The following NUP85 variants were observed in gnomAD, a reference collection of about 807,000 sequenced individuals.
The protein encoded by NUP85 is nucleoporin 85, also known as nuclear pore complex protein Nup85.
In NUP85, 23 loss-of-function variants were observed where a neutral mutation model predicts 92.8. The observed-to-expected ratio is 0.25, with a 90% CI of 0.18 to 0.35. The LOEUF is 0.35. NUP85 is among the 10% of genes least tolerant of loss of function. The probability of loss-of-function intolerance (pLI) is 1.00; values close to 1 mark genes in which losing one functional copy is unlikely to be tolerated. For missense variants in NUP85, 759 were observed against 822.8 expected (o/e 0.92, Z 0.95); for synonymous variants, 314 against 306.9 (o/e 1.02, Z -0.24).
In NUP85 at chr17:75,219,513, A is replaced by G. The variant is rs547935321; in HGVS notation, c.597+1207A>G. ...GGTCTTGAACTCCTGGGCTCAAGCA[A>G]TCCTTCCACCTTGGCCTCCCAAAGT... On this transcript the variant is annotated intron_variant, in intron 7 of 18. Coordinates refer to ENST00000245544, the MANE Select transcript of NUP85 (RefSeq NM_024844.5). Among the ~76,000 whole-genome samples, 10 of 152,200 alleles carry G rather than the reference A, an allele frequency of 6.6e-5. No individual in the cohort carries two copies. In the South Asian group the frequency reaches 1.2e-3, roughly 19 times the overall value.
chr17:75,210,850 T>C (rs6501764), intron 3 of NUP85, among the ~76,000 whole-genome samples: 138,271 of 151,024 alleles, frequency 0.92, 64,208 homozygotes, highest in Non-Finnish European at 1. Flanking sequence ...TACAGGCGCC[T>C]GCCACCACAT....
chr17:75,228,449 AAGAGGAACAGAAAAGC>A, intron 11 of NUP85: 1 of 985,410 alleles, frequency 1.0e-6, no homozygotes, highest in Non-Finnish European at 1.2e-6. Context: ...CCTGTTTTGA[AAGAGGAACAGAAAAGC>A]AGAGCTTGTC....
intron 7 of NUP85, among the ~76,000 whole-genome samples, chr17:75,219,920 G>T (rs562488889): frequency 1.3e-5 from 2 of 152,168 alleles, no homozygotes; most frequent in East Asian, 1.9e-4. Flanking sequence ...GGCAGGAGGG[G>T]CTGTGCTATG....
rs760740948 is a variant in NUP85, at chr17:75,232,928, C to T, written c.1474C>T (p.Arg492Cys). Residue 492 changes from arginine (R) to cysteine (C), a missense_variant, in exon 15 of 19, where the codon CGT becomes TGT. Physicochemically the swap from Arg to Cys is radical, Grantham distance 180 (BLOSUM62 -3). Coordinates refer to ENST00000245544, the MANE Select transcript of NUP85 (RefSeq NM_024844.5). The stretch of plus-strand genomic sequence containing the variant: ...GGGTTCTGCCCTCTCTTGGAGCATC[C>T]GTGCTAAGGATGCCGCCTTTGCCAC... ...RLGSALSWSIRAKDAAFATLV... is the reference protein window; with the variant it reads ...RLGSALSWSICAKDAAFATLV... The T allele has an allele frequency of 1.8e-5, 29 of 1,614,112 alleles. No homozygotes were observed. Among genetic ancestry groups the T allele is most frequent in the East Asian group, 2.2e-5 (1 of 44,896 alleles).
rs1294442901 is a variant in NUP85, at chr17:75,206,020, C to T, written c.33+226C>T. 3.3e-5 allele frequency among the ~76,000 whole-genome samples: 5 copies of T among 152,042 alleles called. No individual in the cohort carries two copies. The East Asian group carries it at 9.7e-4, about 29-fold the overall frequency. Reference sequence around the variant, plus strand: ...GTCACAAACCCCGGCCTCGAAGGTCCCACTCCGTCCCTTTCCTTCCTTTGT... The same window carrying T: ...GTCACAAACCCCGGCCTCGAAGGTCTCACTCCGTCCCTTTCCTTCCTTTGT... On this transcript the variant is annotated intron_variant, in intron 1 of 18. Coordinates refer to ENST00000245544, the MANE Select transcript of NUP85 (RefSeq NM_024844.5).
rs758410664 is a variant in NUP85, at chr17:75,220,437, T to TA, written c.597+2134dup. The stretch of plus-strand genomic sequence containing the variant: ...CATGCCTGGCCTTTTTTTTTTTTTT[T>TA]AAATACAGTTTCACTGTGTTCCCCA... On this transcript the variant is annotated intron_variant, in intron 7 of 18. Transcript: ENST00000245544. Among the ~76,000 whole-genome samples the TA allele has an allele frequency of 2.6e-5, 4 of 151,104 alleles. 1 individual carries two copies. The South Asian group carries it at 6.3e-4, about 24-fold the overall frequency.
Position 75,205,771 on chromosome 17 carries a change from C to A in NUP85, c.10C>A (p.Leu4Ile), listed in dbSNP as rs1191838923. 1 of 1,614,070 alleles carries A rather than the reference C, an allele frequency of 6.2e-7. No homozygotes were observed. Among genetic ancestry groups the A allele is most frequent in the Non-Finnish European group, 8.5e-7 (1 of 1,180,038 alleles). Residue 4 changes from leucine to isoleucine, a missense_variant, in exon 1 of 19, where the codon CTC (leucine) becomes ATC (isoleucine). Coordinates refer to ENST00000245544, the MANE Select transcript of NUP85 (RefSeq NM_024844.5). ...CCTGGGGTTCGGCGCTATGGAGGAG[C>A]TCGATGGCGAGCCAACAGTCACTGT... MEE[L>I]DGEPTVTLIP...
rs750082457 is a variant in NUP85, at chr17:75,231,448, C to A, written c.1178+25C>A. The A allele has an allele frequency of 1.9e-6, 3 of 1,613,108 alleles. No individual in the cohort carries two copies. The East Asian group carries it at 6.7e-5, about 36-fold the overall frequency. Reference sequence around the variant, plus strand: ...AGTAAGTGGCCGGGAGGCACCGATCCTCCTCTTCTTACCACCAGGCCCCCG... The same window carrying A: ...AGTAAGTGGCCGGGAGGCACCGATCATCCTCTTCTTACCACCAGGCCCCCG... On this transcript the variant is annotated intron_variant, in intron 12 of 18. Transcript: ENST00000245544. This position sits in a 1 kb window ranked among gnomAD's most constrained non-coding sequence, Gnocchi z 4.6.
chr17:75,223,677 C>T (rs1322610046), intron 7 of NUP85, among the ~76,000 whole-genome samples: 1 of 152,118 alleles, frequency 6.6e-6, no homozygotes, highest in East Asian at 1.9e-4. Context: ...CGTGAGCCAC[C>T]ACGCCTGGCC....
Position 75,226,094 on chromosome 17 carries a change from C to A in NUP85, c.1031C>A (p.Pro344His). ...LFLGGESSPE[P>H]LDNILLAAFE... Reference sequence around the variant, plus strand: ...CTGGGAGGTGAGAGCAGCCCAGAACCCCTGGACAACATCTTGTTGGCAGCC... The same window carrying A: ...CTGGGAGGTGAGAGCAGCCCAGAACACCTGGACAACATCTTGTTGGCAGCC... The change falls in exon 11 of 19, where the codon CCC becomes CAC. Residue 344 changes from proline (P) to histidine (H), a missense_variant. Transcript: ENST00000245544. 1.2e-6 allele frequency: 2 copies of A among 1,614,116 alleles called. No individual in the cohort carries two copies. Among genetic ancestry groups the A allele is most frequent in the Non-Finnish European group, 1.7e-6 (2 of 1,180,016 alleles).
chr17:75,232,179 C>CT, intron 14 of NUP85, 200 bp downstream of exon 14: 1 of 606,250 alleles, frequency 1.6e-6, no homozygotes, highest in Non-Finnish European at 2.9e-6. Context: ...CACTGGAACC[C>CT]AGACAAAATC....
chr17:75,231,396 G>C lies in NUP85; in HGVS notation c.1151G>C (p.Cys384Ser). ...CACCTGACAGACCTGCTGGACCACT[G>C]CAAGCTCCTCCAGTCACACAACCTC... ...VAHLTDLLDH[C>S]KLLQSHNLYF... Residue 384 changes from cysteine (C) to serine (S), a missense_variant, in exon 12 of 19, where the codon TGC becomes TCC. By Grantham distance (112) the Cys-to-Ser change is moderately radical. Coordinates refer to ENST00000245544, the MANE Select transcript of NUP85 (RefSeq NM_024844.5). The surrounding 1 kb of genome is among the most constrained non-coding windows in gnomAD (Gnocchi z 4.6). The C allele has an allele frequency of 1.9e-6, 3 of 1,614,184 alleles. No homozygotes were observed. The highest frequency in any genetic ancestry group is 2.5e-6 in the Non-Finnish European group (3 of 1,180,024).
chr17:75,212,111 G>GTGTGT, intron 4 of NUP85, 49 bp downstream of exon 4: 2 of 402,136 alleles, frequency 5.0e-6, no homozygotes, highest in African/African-American at 5.8e-5. Context: ...TGTGTGTGTG[G>GTGTGT]GTATTTTGAG....
chr17:75,210,125 G>T, intron 3 of NUP85, 140 bp downstream of exon 3: 1 of 739,690 alleles, frequency 1.4e-6, no homozygotes, highest in Non-Finnish European at 2.1e-6. Flanking sequence ...CATGAGTACT[G>T]GACAGTGTAC....
chr17:75,209,829 CAG>C lies in NUP85; in HGVS notation c.138_139del (p.Glu46AspfsTer13). The C allele has an allele frequency of 6.4e-7, 1 of 1,573,658 alleles. No homozygotes were observed. The highest frequency in any genetic ancestry group is 8.6e-7 in the Non-Finnish European group (1 of 1,168,128). ...TTTTTCTGTTTGGTTTCAGAAAAAT[CAG>C]AGATGGTGCCAAGTTGCCCCTTTAT... On this transcript the variant is annotated frameshift_variant, in exon 3 of 19. Coordinates refer to ENST00000245544, the MANE Select transcript of NUP85 (RefSeq NM_024844.5). LOFTEE classifies it high-confidence loss of function.
At chr17:75,219,419 G>A (rs978700885) in intron 7 of NUP85, among the ~76,000 whole-genome samples, 2 of 152,016 alleles carry the variant, frequency 1.3e-5, no homozygotes, top group Non-Finnish European at 2.9e-5. Context: ...TGGGACTACA[G>A]GCGCACACCA....
intron 2 of NUP85, among the ~76,000 whole-genome samples, chr17:75,209,136 C>CT (rs2145266931): frequency 6.6e-6 from 1 of 152,106 alleles, no homozygotes; most frequent in Non-Finnish European, 1.5e-5. Context: ...CTTTTTATCC[C>CT]TTTTTCTTTG....
chr17:75,226,737 C>A (rs2075811874), intron 11 of NUP85: 1 of 450,230 alleles, frequency 2.2e-6, no homozygotes, highest in Non-Finnish European at 4.5e-6. Context: ...TAACTGTTTC[C>A]ATTTCAGGGA....
chr17:75,218,966 A>G (rs945882294), intron 7 of NUP85, among the ~76,000 whole-genome samples: 2 of 152,062 alleles, frequency 1.3e-5, no homozygotes, highest in Non-Finnish European at 2.9e-5. Flanking sequence ...TTGGATGTAA[A>G]TGAGCTTGCA....
Sources: gnomAD v4.1 joint callset for allele counts (sites outside exome capture counted in the v4.1 genomes callset) on GRCh38, gnomAD v4.1.1 for gene constraint, Gnocchi (gnomAD v3.1) non-coding constraint, MANE v1.5 for transcripts, NCBI Gene and HGNC (gene_info 2026-07-23, HGNC 2026-07-21) for gene names.